The following OR4Q3 variants were observed in gnomAD, a reference collection of about 807,000 sequenced individuals.
OR4Q3 encodes olfactory receptor 4Q3.
A neutral mutation model predicts 18.8 loss-of-function variants in OR4Q3; 17 were observed. The ratio of observed to expected loss-of-function variants is 0.91; its 90% CI spans 0.62 to 1.36. The LOEUF (loss-of-function observed/expected upper bound fraction) is 1.36. Among genes scored for constraint, OR4Q3 ranks in the 40% most tolerant of loss-of-function variants. OR4Q3 has a pLI of 0.00. For synonymous variants in OR4Q3, 158 were observed against 145.8 expected (o/e 1.08, Z -0.60); for missense variants, 378 against 373.4 (o/e 1.01, Z -0.10).
At chr14:19,745,235 A>C in intron 1 of OR4Q3, among the ~76,000 whole-genome samples, 3 of 152,216 alleles carry the variant, frequency 2.0e-5, no homozygotes, top group Non-Finnish European at 1.5e-5. Context: ...CTAATATTAA[A>C]TCTTACTTTA....
chr14:19,747,225 G>C, intron 1 of OR4Q3, among the ~76,000 whole-genome samples, 181 bp from the exon 2 acceptor site: 2 of 152,332 alleles, frequency 1.3e-5, no homozygotes, highest in Non-Finnish European at 1.5e-5. Context: ...CAGGAATAAA[G>C]AGTTGGAAGA....
chr14:19,747,851 T>C lies in OR4Q3; in HGVS notation c.448T>C (p.Cys150Arg). 593 of 1,614,008 alleles carry C rather than the reference T, an allele frequency of 3.7e-4. 2 individuals are homozygous for C. In the East Asian group the frequency reaches 0.011, roughly 29 times the overall value. The change falls in exon 2 of 2, where the codon TGC (cysteine) becomes CGC (arginine). Residue 150 changes from cysteine to arginine, a missense_variant. Coordinates refer to ENST00000642117, the Ensembl canonical transcript of OR4Q3. ...CCTTACAGTCATGAACCCCCAGCTA[T>C]GCCTTTGGTTGGTTCTTGCCTGCTG...
intron 1 of OR4Q3, among the ~76,000 whole-genome samples, chr14:19,745,208 T>A: frequency 6.6e-6 from 1 of 152,186 alleles, no homozygotes; most frequent in South Asian, 2.1e-4. Flanking sequence ...CCAGAATATT[T>A]ATAGTACTGA....
downstream of OR4Q3, among the ~76,000 whole-genome samples, chr14:19,750,893 G>A: frequency 6.3e-4 from 96 of 152,306 alleles, no homozygotes; most frequent in Non-Finnish European, 1.2e-3. Context: ...TGAATATCCT[G>A]AAGAGCAGTA....
intron 1 of OR4Q3, among the ~76,000 whole-genome samples, chr14:19,746,434 T>C: frequency 6.6e-6 from 1 of 152,180 alleles, no homozygotes; most frequent in Non-Finnish European, 1.5e-5. Flanking sequence ...TATGTATCTA[T>C]GGTTGTTGAA....
intron 1 of OR4Q3, among the ~76,000 whole-genome samples, chr14:19,746,908 G>T: frequency 1.3e-5 from 2 of 151,452 alleles, no homozygotes; most frequent in East Asian, 1.9e-4. Flanking sequence ...GAGAGATTTA[G>T]TTTTTTTTAT....
At chr14:19,748,288 C>A in exon 2 of OR4Q3, 1 of 1,613,904 alleles carries the variant, frequency 6.2e-7, no homozygotes, top group Middle Eastern at 1.7e-4. Context: ...ACCCCCTCAT[C>A]TACACACTCA....
chr14:19,748,420 C>T, exon 2 of OR4Q3: 1 of 1,364,182 alleles, frequency 7.3e-7, no homozygotes. Context: ...TTGGAAGACT[C>T]TTAACTCATC....
At chr14:19,747,831 C>T in exon 2 of OR4Q3, 6 of 1,613,912 alleles carry the variant, frequency 3.7e-6, no homozygotes, top group South Asian at 1.1e-5. Flanking sequence ...CGCTACCTTA[C>T]AGTCATGAAC....
chr14:19,747,341 T>C, intron 1 of OR4Q3, 65 bp from the exon 2 acceptor site: 4 of 823,130 alleles, frequency 4.9e-6, no homozygotes, highest in Middle Eastern at 3.1e-4. Context: ...ATATACTATA[T>C]GTATATAGTG....
chr14:19,750,769 C>T, downstream of OR4Q3, among the ~76,000 whole-genome samples: 18 of 152,328 alleles, frequency 1.2e-4, no homozygotes, highest in African/African-American at 4.3e-4. Flanking sequence ...ACTAGGCTGC[C>T]ATTTGGGAGA....
exon 2 of OR4Q3, chr14:19,747,925 G>A: frequency 1.2e-6 from 2 of 1,614,006 alleles, no homozygotes; most frequent in Non-Finnish European, 1.7e-6. Context: ...TAGTCATCCA[G>A]CTGCCTTTCT....
chr14:19,751,756 C>G, downstream of OR4Q3, among the ~76,000 whole-genome samples: 6 of 143,780 alleles, frequency 4.2e-5, no homozygotes, highest in South Asian at 1.4e-3. Flanking sequence ...TCCTTTTTGA[C>G]TGTACTCATT....
chr14:19,750,012 C>T, downstream of OR4Q3, among the ~76,000 whole-genome samples: 56 of 137,774 alleles, frequency 4.1e-4, no homozygotes, highest in African/African-American at 1.5e-3. Flanking sequence ...GAGACAGAGT[C>T]TCACTCTTGT....
chr14:19,747,593 C>T lies in OR4Q3; in HGVS notation c.190C>T (p.Leu64Phe). 7.2e-5 allele frequency: 116 copies of T among 1,613,948 alleles called. No homozygotes were observed. The East Asian group carries it at 1.7e-3, about 24-fold the overall frequency. The change falls in exon 2 of 2, where the codon CTC becomes TTC. Residue 64 changes from leucine to phenylalanine, a missense_variant. Physicochemically the swap from Leu to Phe is conservative, Grantham distance 22. Coordinates refer to ENST00000642117, the Ensembl canonical transcript of OR4Q3. ...AACAGTGCAAGCCCATGCTCACCTG[C>T]TCCAATCTCCTATGTATTATTTTTT...
downstream of OR4Q3, among the ~76,000 whole-genome samples, chr14:19,751,782 A>AT: frequency 7.3e-6 from 1 of 137,058 alleles, no homozygotes. Context: ...CTTTTTTTTT[A>AT]TTTTTTAATC....
At chr14:19,746,466 CTGGTTTCTCTTATTACTCTG>C in intron 1 of OR4Q3, among the ~76,000 whole-genome samples, 1 of 152,148 alleles carries the variant, frequency 6.6e-6, no homozygotes, top group Non-Finnish European at 1.5e-5. Flanking sequence ...CAACACAACT[CTGGTTTCTCTTATTACTCTG>C]TCCTGTAAAG....
At chr14:19,751,041 C>T, downstream of OR4Q3, among the ~76,000 whole-genome samples, 40 of 152,364 alleles carry the variant, frequency 2.6e-4, no homozygotes, top group Non-Finnish European at 5.0e-4. Flanking sequence ...CAGGCTTTCT[C>T]TTGGTATAAG....
At chr14:19,747,952 G>A in exon 2 of OR4Q3, 1 of 1,614,044 alleles carries the variant, frequency 6.2e-7, no homozygotes, top group South Asian at 1.1e-5. Flanking sequence ...CCAATGAACT[G>A]GACAACTTCT....
Sources: gnomAD v4.1 joint callset for allele counts (sites outside exome capture counted in the v4.1 genomes callset) on GRCh38, gnomAD v4.1.1 for gene constraint, MANE v1.5 for transcripts, NCBI Gene and HGNC (gene_info 2026-07-23, HGNC 2026-07-21) for gene names.